Variants in MX2 observed in about 807,000 individuals in gnomAD.
The protein encoded by MX2 is interferon-induced GTP-binding protein Mx2.
A neutral mutation model predicts 74.0 loss-of-function variants in MX2; 51 were observed. The observed-to-expected ratio is 0.69, with a 90% CI of 0.55 to 0.87. MX2 has a LOEUF of 0.87. MX2 is among the 40% of genes least tolerant of loss of function. The pLI is 0.00. For missense variants in MX2, 832 were observed against 908.7 expected (o/e 0.92, Z 1.09); for synonymous variants, 369 against 339.3 (o/e 1.09, Z -0.96).
At chr21:41,406,711 G>T (rs1344560138) in intron 12 of MX2, 33 bp from the exon 13 acceptor site, 10 of 1,592,864 alleles carry the variant, frequency 6.3e-6, no homozygotes, top group South Asian at 1.1e-5. Flanking sequence ...AGAAGAAAAA[G>T]AAGTAATGTG....
chr21:41,401,677 C>A, intron 10 of MX2: 1 of 182,388 alleles, frequency 5.5e-6, no homozygotes, highest in Non-Finnish European at 9.5e-6. Flanking sequence ...CACCTAGTTT[C>A]TAATCAGGTT....
rs746796616 is a variant in MX2 at position 41,397,666 on chromosome 21, C to A, written c.1124C>A (p.Thr375Asn). ...ATVPRLAERLTTELIMHIQKS... is the reference protein window; with the variant it reads ...ATVPRLAERLNTELIMHIQKS... ...GTTCCCCGACTGGCAGAAAGACTTA[C>A]CACTGAACTCATCATGCATATCCAA... The change falls in exon 8 of 14, where the codon ACC (threonine) becomes AAC (asparagine). Residue 375 changes from threonine to asparagine, a missense_variant. By Grantham distance (65) the Thr-to-Asn change is moderately conservative (BLOSUM62 0). Transcript: ENST00000330714. The A allele has an allele frequency of 5.0e-6, 8 of 1,614,014 alleles. No individual in the cohort carries two copies. Among genetic ancestry groups the A allele is most frequent in the East Asian group, 2.2e-5 (1 of 44,892 alleles).
rs946037622 is a variant in MX2 at position 41,380,931 on chromosome 21, C to G, written c.577+780C>G. On this transcript the variant is annotated intron_variant, in intron 4 of 13. Coordinates refer to ENST00000330714, the MANE Select transcript of MX2 (RefSeq NM_002463.2). The surrounding 1 kb of genome is among the most constrained non-coding windows in gnomAD (Gnocchi z 4.3). ...AGCCAGGATAGATGGAAAAACAATC[C>G]TGAATGTACTAAGACTCCCTGCAGG... 6.6e-6 allele frequency among the ~76,000 whole-genome samples: 1 copy of G among 152,194 alleles called. No individual in the cohort carries two copies. Among genetic ancestry groups the G allele is most frequent in the African/African-American group, 2.4e-5 (1 of 41,454 alleles).
chr21:41,382,107 C>T (rs1459056962), intron 4 of MX2, among the ~76,000 whole-genome samples: 1 of 152,214 alleles, frequency 6.6e-6, no homozygotes, highest in African/African-American at 2.4e-5. Context: ...CCACAGCACT[C>T]ACTGGAAAAT....
chr21:41,394,752 C>T (rs567817435), intron 6 of MX2, among the ~76,000 whole-genome samples: 1 of 152,088 alleles, frequency 6.6e-6, no homozygotes, highest in South Asian at 2.1e-4. Context: ...ACCAGCCTGG[C>T]CAACATGGTG....
chr21:41,377,706 C>T (rs370592411), intron 2 of MX2, 83 bp from the exon 3 acceptor site: 147 of 1,435,408 alleles, frequency 1.0e-4, no homozygotes, highest in Non-Finnish European at 1.3e-4. Flanking sequence ...ACATCATAGC[C>T]GCACAAACTC....
chr21:41,402,094 G>A lies in MX2; in HGVS notation c.1539G>A (p.Val513=), dbSNP rs2089822508. ...TGCATCAGTACATCCAGCAGCTGGT[G>A]GAGCCCGCCCTTAGCATGCTCCAGA... ...IIVHQYIQQL[V]EPALSMLQKA... Residue 513 remains valine, a synonymous_variant, in exon 11 of 14, where the codon GTG becomes GTA. Coordinates refer to ENST00000330714, the MANE Select transcript of MX2 (RefSeq NM_002463.2). The surrounding 1 kb of genome is among the most constrained non-coding windows in gnomAD (Gnocchi z 4.5). 1.9e-6 allele frequency: 3 copies of A among 1,614,124 alleles called. No individual in the cohort carries two copies. The highest frequency in any genetic ancestry group is 1.7e-6 in the Non-Finnish European group (2 of 1,179,994).
chr21:41,365,433 A>G (rs1417909594), intron 1 of MX2: 1 of 151,766 alleles, frequency 6.6e-6, no homozygotes, highest in Admixed American at 6.6e-5. Context: ...CTTTGTGGCC[A>G]TGTGTGTTTA....
chr21:41,392,017 C>T (rs1366224010), intron 6 of MX2, among the ~76,000 whole-genome samples: 2 of 152,050 alleles, frequency 1.3e-5, no homozygotes, highest in East Asian at 3.8e-4. Context: ...TCTGTTATTC[C>T]CCTCTACGTG....
intron 1 of MX2, chr21:41,374,235 C>G (rs1201407567): frequency 6.6e-6 from 1 of 152,324 alleles, no homozygotes; most frequent in Non-Finnish European, 1.5e-5. Context: ...GCTCTGGGTC[C>G]CCGGGTCCCA....
In MX2 at chr21:41,366,942, C is replaced by G. The variant is rs939565981; in HGVS notation, c.-72+4887C>G. On this transcript the variant is annotated intron_variant, in intron 1 of 13. Coordinates refer to ENST00000330714, the MANE Select transcript of MX2 (RefSeq NM_002463.2). The surrounding 1 kb of genome is among the most constrained non-coding windows in gnomAD (Gnocchi z 4.5). ...CTCAACCCACAAAGACTATCTCTTGCGTACTCTGCTCTGAGGTGTTTTAAA... is the reference window on the plus strand; with the variant it reads ...CTCAACCCACAAAGACTATCTCTTGGGTACTCTGCTCTGAGGTGTTTTAAA... 2.0e-5 allele frequency: 3 copies of G among 152,298 alleles called. No homozygotes were observed. The highest frequency in any genetic ancestry group is 4.4e-5 in the Non-Finnish European group (3 of 68,106). The allele number at this position is 152,298 out of a possible 1,614,324, so 9.4% of individuals were successfully genotyped here. A position where few individuals can be genotyped will look rare whatever the true frequency, so the allele number is the denominator to read the frequency against.
chr21:41,385,527 A>G (rs1038258997), intron 5 of MX2, among the ~76,000 whole-genome samples: 1 of 152,128 alleles, frequency 6.6e-6, no homozygotes, highest in African/African-American at 2.4e-5. Context: ...CCCTTCCATC[A>G]TGCTTCTGAG....
chr21:41,377,178 C>T, intron 2 of MX2, 23 bp downstream of exon 2: 1 of 1,612,240 alleles, frequency 6.2e-7, no homozygotes, highest in Non-Finnish European at 8.5e-7. Flanking sequence ...GAGGGACGTT[C>T]AGAAAGGGTG....
rs191112333 is a variant in MX2 at position 41,381,127 on chromosome 21, T to C, written c.577+976T>C. ...CCTTCCCAAATAGAGAGGTCTTCAC[T>C]CCAATTTCCGTGTTCACCCCTCTAA... On this transcript the variant is annotated intron_variant, in intron 4 of 13. Coordinates refer to ENST00000330714, the MANE Select transcript of MX2 (RefSeq NM_002463.2). 7.3e-3 allele frequency among the ~76,000 whole-genome samples: 1,113 copies of C among 152,292 alleles called. 19 individuals carry two copies. The highest frequency in any genetic ancestry group is 0.025 in the African/African-American group (1,049 of 41,558).
In MX2 at chr21:41,380,265, T is replaced by A. The variant is rs2089471153; in HGVS notation, c.577+114T>A. 1 of 1,433,904 alleles carries A rather than the reference T, an allele frequency of 7.0e-7. No homozygotes were observed. The highest frequency in any genetic ancestry group is 9.5e-7 in the Non-Finnish European group (1 of 1,055,550). 88.8% of individuals were successfully genotyped at this position (1,433,904 alleles called of 1,614,324 possible). A position where few individuals can be genotyped will look rare whatever the true frequency, so the allele number is the denominator to read the frequency against. On this transcript the variant is annotated intron_variant, in intron 4 of 13. Transcript: ENST00000330714. This position sits in a 1 kb window ranked among gnomAD's most constrained non-coding sequence, Gnocchi z 4.3. ...AGTGACCACTCAGCTCCTAGCCCCA[T>A]GTGCTCCCACATGGGGCTGAACCCA...
intron 10 of MX2, 46 bp from the exon 11 acceptor site, chr21:41,401,924 T>TGCAGAATTA (rs2089819790): frequency 1.3e-6 from 2 of 1,588,032 alleles, no homozygotes; most frequent in East Asian, 4.5e-5. Flanking sequence ...TTACGACGTC[T>TGCAGAATTA]GCAGAATTAG....
At chr21:41,379,616 G>T (rs2089460652) in intron 3 of MX2, among the ~76,000 whole-genome samples, 1 of 152,092 alleles carries the variant, frequency 6.6e-6, no homozygotes, top group South Asian at 2.1e-4. Flanking sequence ...ACAATTACAG[G>T]GCCTGGGGCA....
intron 8 of MX2, 42 bp from the exon 9 acceptor site, chr21:41,398,855 C>T: frequency 1.3e-6 from 2 of 1,596,020 alleles, no homozygotes; most frequent in Non-Finnish European, 1.7e-6. Flanking sequence ...GTTGGCCAAT[C>T]TCTTAAGCCG....
intron 1 of MX2, among the ~76,000 whole-genome samples, chr21:41,374,560 C>A (rs1180079672): frequency 6.6e-6 from 1 of 152,242 alleles, no homozygotes; most frequent in African/African-American, 2.4e-5. Context: ...GAAGCATGTC[C>A]ATCTGAGAGG....
Sources: gnomAD v4.1 joint callset for allele counts (sites outside exome capture counted in the v4.1 genomes callset) on GRCh38, gnomAD v4.1.1 for gene constraint, Gnocchi (gnomAD v3.1) non-coding constraint, MANE v1.5 for transcripts, NCBI Gene and HGNC (gene_info 2026-07-23, HGNC 2026-07-21) for gene names.